The following CALD1 variants were observed in gnomAD, a reference collection of about 807,000 sequenced individuals.
CALD1 encodes the protein caldesmon.
CALD1 carries 33 observed loss-of-function variants against 99.9 expected under a neutral mutation model. That is an observed-to-expected ratio of 0.33 (90% CI 0.25 to 0.44). The LOEUF (loss-of-function observed/expected upper bound fraction) is 0.44. Ranked by LOEUF, CALD1 falls within the 20% of genes least tolerant of loss-of-function variation. CALD1 has a pLI of 1.00. For missense variants in CALD1, 861 were observed against 962.1 expected (o/e 0.89, Z 1.39); for synonymous variants, 310 against 325.0 (o/e 0.95, Z 0.50).
chr7:134,867,261 T>G (rs1800843969), intron 2 of CALD1, among the ~76,000 whole-genome samples: 1 of 152,220 alleles, frequency 6.6e-6, no homozygotes, highest in Non-Finnish European at 1.5e-5. Flanking sequence ...CTTTCACTTT[T>G]CTCCTAGTTC....
chr7:134,807,180 TA>T (rs1458843525), intron 1 of CALD1, among the ~76,000 whole-genome samples: 1 of 152,144 alleles, frequency 6.6e-6, no homozygotes, highest in African/African-American at 2.4e-5. Context: ...ATGAGTCTTG[TA>T]ATGGGAAAAA....
At chr7:134,864,622 A>G (rs1450365459) in intron 2 of CALD1, among the ~76,000 whole-genome samples, 2 of 151,916 alleles carry the variant, frequency 1.3e-5, no homozygotes, top group East Asian at 3.9e-4. Flanking sequence ...CTGGTCTCGA[A>G]CTCCTGACCT....
chr7:134,885,695 C>T (rs1278240908), intron 3 of CALD1, among the ~76,000 whole-genome samples: 1 of 152,124 alleles, frequency 6.6e-6, no homozygotes, highest in East Asian at 1.9e-4. Flanking sequence ...TCTCCTGAGT[C>T]CTTATAATAA....
chr7:134,803,685 G>A (rs1046905197), intron 1 of CALD1, among the ~76,000 whole-genome samples: 32 of 135,326 alleles, frequency 2.4e-4, no homozygotes, highest in African/African-American at 8.9e-4. Context: ...TCCTGCATAG[G>A]TGTGGGTCTA....
At position 134,941,201 on chromosome 7, in the gene CALD1, T is replaced by C; in HGVS notation, c.1496T>C (p.Met499Thr). The change falls in exon 7 of 15, where the codon ATG becomes ACG. Residue 499 changes from methionine (M) to threonine (T), a missense_variant. Met to Thr is a moderately conservative substitution (Grantham distance 81). This residue lies in a region of CALD1 where 293 missense variants were observed against 262.7 expected (regional missense o/e 1.12). Transcript: ENST00000361675. ...TEVKSQNGEF[M>T]THKLKHTENT... Reference sequence around the variant, plus strand: ...GTTAAGTCGCAGAATGGAGAATTCATGACCCACAAACTTAAACATACTGAG... The same window carrying C: ...GTTAAGTCGCAGAATGGAGAATTCACGACCCACAAACTTAAACATACTGAG... 1.2e-6 allele frequency: 2 copies of C among 1,612,846 alleles called. No individual in the cohort carries two copies. Among genetic ancestry groups the C allele is most frequent in the Non-Finnish European group, 1.7e-6 (2 of 1,179,640 alleles).
chr7:134,765,240 G>A (rs780070378), intron 1 of CALD1, among the ~76,000 whole-genome samples: 32 of 151,844 alleles, frequency 2.1e-4, no homozygotes, highest in Admixed American at 3.3e-4. Flanking sequence ...GCTTAAGCCC[G>A]GGGGCAGAGG....
rs1407090426 is a variant in CALD1 at position 134,965,348 on chromosome 7, G to A, written c.2338G>A (p.Glu780Lys). ...CGTATCCAGCAAGCGGAACCTCTGGGAAAAGCAATCTGTGGATAAGGTCAC... is the reference window on the plus strand; with the variant it reads ...CGTATCCAGCAAGCGGAACCTCTGGAAAAAGCAATCTGTGGATAAGGTCAC... ...GDVSSKRNLW[E>K]KQSVDKVTSP... is the part of the protein sequence containing the mutation. The change falls in exon 14 of 15, where the codon GAA (glutamate) becomes AAA (lysine). Residue 780 changes from glutamate (E) to lysine (K), a missense_variant. This residue lies in a region of CALD1 where 190 missense variants were observed against 249.0 expected (regional missense o/e 0.76). Coordinates refer to ENST00000361675, the MANE Select transcript of CALD1 (RefSeq NM_033138.4). 6 of 1,592,232 alleles carry A rather than the reference G, an allele frequency of 3.8e-6. 1 individual carries two copies. The Admixed American group carries it at 5.0e-5, about 13-fold the overall frequency.
At chr7:134,756,272 C>CAAAAAAA (rs36011477) in intron 1 of CALD1, among the ~76,000 whole-genome samples, 5 of 76,798 alleles carry the variant, frequency 6.5e-5, no homozygotes, top group African/African-American at 1.0e-4. Flanking sequence ...GACTTTGTCT[C>CAAAAAAA]AAAAAAAAAA....
the CALD1 span, among the ~76,000 whole-genome samples, chr7:134,730,224 C>T: frequency 6.6e-6 from 1 of 151,758 alleles, no homozygotes; most frequent in Non-Finnish European, 1.5e-5. Context: ...TCCCTCCCTC[C>T]CTCCTTTCCT....
intron 1 of CALD1, among the ~76,000 whole-genome samples, chr7:134,802,344 G>A (rs891548743): frequency 6.6e-6 from 1 of 151,904 alleles, no homozygotes; most frequent in Non-Finnish European, 1.5e-5. Context: ...TTTTTTATCT[G>A]GTCTGTTTTG....
intron 11 of CALD1, 117 bp downstream of exon 11, chr7:134,958,407 ATTTTTT>A (rs5887717): frequency 1.2e-4 from 65 of 529,606 alleles, no homozygotes; most frequent in Non-Finnish European, 1.3e-4. Context: ...GAGTGTTAGA[ATTTTTT>A]TTTTTTTTTT....
chr7:134,821,187 G>A (rs947729798), intron 1 of CALD1, among the ~76,000 whole-genome samples: 5 of 152,042 alleles, frequency 3.3e-5, no homozygotes, highest in Non-Finnish European at 5.9e-5. Flanking sequence ...AAAAAAGTAA[G>A]TGTACAAATT....
chr7:134,952,145 A>G (rs569573668), intron 9 of CALD1, among the ~76,000 whole-genome samples: 2 of 152,150 alleles, frequency 1.3e-5, no homozygotes, highest in East Asian at 3.9e-4. Flanking sequence ...TACTAAAAAT[A>G]CAAAAATTAG....
intron 1 of CALD1, among the ~76,000 whole-genome samples, chr7:134,790,202 G>T (rs1797468991): frequency 1.3e-5 from 2 of 151,940 alleles, no homozygotes; most frequent in African/African-American, 4.8e-5. Flanking sequence ...CTGAACTTGG[G>T]AGAGAGACTG....
At chr7:134,964,458 G>A (rs1436581960) in intron 13 of CALD1, among the ~76,000 whole-genome samples, 1 of 152,164 alleles carries the variant, frequency 6.6e-6, no homozygotes, top group East Asian at 1.9e-4. Context: ...GCGAGAGTGA[G>A]CCTGAAAATA....
At chr7:134,900,632 A>G (rs1427312347) in intron 3 of CALD1, among the ~76,000 whole-genome samples, 1 of 152,054 alleles carries the variant, frequency 6.6e-6, no homozygotes, top group Non-Finnish European at 1.5e-5. Context: ...CTGTATTTAG[A>G]TCCCACTCAT....
intron 1 of CALD1, among the ~76,000 whole-genome samples, chr7:134,821,437 C>A (rs1474789927): frequency 1.3e-5 from 2 of 152,038 alleles, no homozygotes; most frequent in East Asian, 3.8e-4. Flanking sequence ...ACTATTTCTA[C>A]CTATCCATCT....
chr7:134,796,618 C>T (rs921607481), intron 1 of CALD1, among the ~76,000 whole-genome samples: 1 of 152,136 alleles, frequency 6.6e-6, no homozygotes, highest in Non-Finnish European at 1.5e-5. Context: ...TAGAGTCTCA[C>T]TCTGTTGCCC....
chr7:134,903,403 T>C (rs1440941559), intron 3 of CALD1, among the ~76,000 whole-genome samples: 1 of 152,068 alleles, frequency 6.6e-6, no homozygotes, highest in East Asian at 1.9e-4. Context: ...ACGGAATATA[T>C]GGGACATTTC....
Sources: gnomAD v4.1 joint callset for allele counts (sites outside exome capture counted in the v4.1 genomes callset) on GRCh38, gnomAD v4.1.1 for gene constraint, gnomAD v4.1.1 regional missense constraint, MANE v1.5 for transcripts, NCBI Gene and HGNC (gene_info 2026-07-23, HGNC 2026-07-21) for gene names.